The following NRXN2 variants were observed in gnomAD, a reference collection of about 807,000 sequenced individuals.
NRXN2 encodes neurexin 2.
NRXN2 carries 29 observed loss-of-function variants against 128.8 expected under a neutral mutation model. That is an observed-to-expected ratio of 0.23 (90% CI 0.17 to 0.31). The LOEUF is 0.31. Among genes scored for constraint, NRXN2 ranks in the 10% least tolerant of loss-of-function variants. NRXN2 has a pLI of 1.00. For synonymous variants in NRXN2, 1,098 were observed against 1,075.2 expected, an observed-to-expected ratio of 1.02 and a Z score of -0.41; for missense variants, 1,881 against 2,452.6, an observed-to-expected ratio of 0.77 and a Z score of 4.92.
rs144146456 is a variant in NRXN2 at position 64,660,090 on chromosome 11, C to G, written c.2389+242G>C. On this transcript the variant is annotated intron_variant, in intron 11 of 22. Coordinates refer to ENST00000265459, the MANE Select transcript of NRXN2 (RefSeq NM_015080.4). The surrounding 1 kb of genome is among the most constrained non-coding windows in gnomAD (Gnocchi z 5.2). ...TCACCAGGGAGGACAGTTAGCATAC[C>G]CCAGATACTCTGGGTCTTGCCCCTC... is the stretch of plus-strand genomic sequence containing the variant. Among the ~76,000 whole-genome samples the G allele has an allele frequency of 1.3e-5, 2 of 152,152 alleles. No homozygotes were observed. Among genetic ancestry groups the G allele is most frequent in the Admixed American group, 6.5e-5 (1 of 15,284 alleles).
chr11:64,702,970 C>CT (rs2055705047), intron 2 of NRXN2, among the ~76,000 whole-genome samples: 2 of 101,414 alleles, frequency 2.0e-5, no homozygotes, highest in Non-Finnish European at 1.9e-5. Context: ...GCCCAGGTCT[C>CT]TAAAAAAAAA....
intron 18 of NRXN2, among the ~76,000 whole-genome samples, chr11:64,633,437 TCAGA>T (rs2044228326): frequency 1.3e-5 from 2 of 152,134 alleles, no homozygotes; most frequent in Admixed American, 6.5e-5. Flanking sequence ...TAACTGAGGC[TCAGA>T]CAGCTGCGGT....
At chr11:64,711,618 C>A (rs147376050) in intron 2 of NRXN2, among the ~76,000 whole-genome samples, 3,962 of 152,226 alleles carry the variant, frequency 0.026, 81 homozygotes, top group Non-Finnish European at 0.039. Context: ...ACCCCTCCCT[C>A]CGGTGAGCCT....
intron 15 of NRXN2, 116 bp downstream of exon 15, chr11:64,650,332 G>T: frequency 2.0e-6 from 2 of 1,025,240 alleles, no homozygotes; most frequent in Non-Finnish European, 3.0e-6. Flanking sequence ...GGGAAAGAGA[G>T]GTGGAAACTG....
At chr11:64,674,356 A>G (rs946421674) in intron 7 of NRXN2, among the ~76,000 whole-genome samples, 1 of 151,780 alleles carries the variant, frequency 6.6e-6, no homozygotes, top group Admixed American at 6.6e-5. Flanking sequence ...ACACCCAGCT[A>G]TTTTTTTGTA....
At chr11:64,634,009 G>A (rs2135384507) in intron 18 of NRXN2, among the ~76,000 whole-genome samples, 1 of 152,260 alleles carries the variant, frequency 6.6e-6, no homozygotes, top group South Asian at 2.1e-4. Context: ...GGGGTGGGGT[G>A]CAGACCTGGG....
intron 1 of NRXN2, among the ~76,000 whole-genome samples, chr11:64,717,449 CAGAT>C (rs1419428324): frequency 6.6e-6 from 1 of 152,208 alleles, no homozygotes; most frequent in African/African-American, 2.4e-5. Flanking sequence ...CCCCTACCCA[CAGAT>C]AGACTCAGCA....
Position 64,690,389 on chromosome 11 carries a change from C to T in NRXN2, c.850+16G>A. ...GATGAGGGCTGGGCTCTCTGGGGAC[C>T]ATGGGGGTCACTGACCTTTTGTTGG... is the stretch of plus-strand genomic sequence containing the variant. On this transcript the variant is annotated intron_variant, in intron 5 of 22. Coordinates refer to ENST00000265459, the MANE Select transcript of NRXN2 (RefSeq NM_015080.4). 6.2e-7 allele frequency: 1 copy of T among 1,609,798 alleles called. No individual in the cohort carries two copies. Among genetic ancestry groups the T allele is most frequent in the Non-Finnish European group, 8.5e-7 (1 of 1,178,194 alleles).
chr11:64,640,220 C>A (rs1565258025), intron 17 of NRXN2, among the ~76,000 whole-genome samples: 2 of 152,206 alleles, frequency 1.3e-5, no homozygotes, highest in Non-Finnish European at 2.9e-5. Context: ...ATACCCTGTC[C>A]TCCATACTCT....
chr11:64,674,181 CTTTT>C (rs1263002503), intron 7 of NRXN2, among the ~76,000 whole-genome samples: 1 of 151,992 alleles, frequency 6.6e-6, no homozygotes, highest in South Asian at 2.1e-4. Flanking sequence ...TGGCTTCTTC[CTTTT>C]TTTGTTTGTT....
At chr11:64,702,066 GCCGCCC>G (rs2055518570) in intron 2 of NRXN2, among the ~76,000 whole-genome samples, 1 of 147,012 alleles carries the variant, frequency 6.8e-6, no homozygotes, top group African/African-American at 2.5e-5. Context: ...CCTCTGCCCT[GCCGCCC>G]CTACTGGGAA....
chr11:64,623,090 G>T lies in NRXN2; in HGVS notation c.3848-12C>A. 1 of 1,590,432 alleles carries T rather than the reference G, an allele frequency of 6.3e-7. No individual in the cohort carries two copies. The highest frequency in any genetic ancestry group is 2.3e-5 in the East Asian group (1 of 44,160). On this transcript the variant is annotated splice_polypyrimidine_tract_variant and intron_variant, in intron 20 of 22. Transcript: ENST00000265459. The surrounding 1 kb of genome is among the most constrained non-coding windows in gnomAD (Gnocchi z 4.9). ...GGTCAGCTGGCGGCCTTGCAGGAGT[G>T]GAAGGGGGTGACAGAGAAGGGGCAG...
In NRXN2 at chr11:64,635,379, G is replaced by A. The variant is rs996620506; in HGVS notation, c.3477C>T (p.Ser1159=). The change falls in exon 18 of 23, where the codon AGC becomes AGT. Residue 1159 remains serine, a synonymous_variant. Coordinates refer to ENST00000265459, the MANE Select transcript of NRXN2 (RefSeq NM_015080.4). The surrounding 1 kb of genome is among the most constrained non-coding windows in gnomAD (Gnocchi z 4.8). The part of the protein sequence containing the change: ...TYTWPPNDRP[S]TRMDRLAVGF... ...CCACGGCCAGGCGATCCATCCTCGT[G>A]CTGGGCCTGTCATTGGGGGGCCACG... 6.2e-7 allele frequency: 1 copy of A among 1,613,668 alleles called. No individual in the cohort carries two copies. The highest frequency in any genetic ancestry group is 8.5e-7 in the Non-Finnish European group (1 of 1,180,020).
intron 19 of NRXN2, among the ~76,000 whole-genome samples, chr11:64,629,420 C>T (rs1276573811): frequency 6.6e-6 from 1 of 152,204 alleles, no homozygotes; most frequent in Non-Finnish European, 1.5e-5. Context: ...GTCAGCATCT[C>T]CATCTACCTC....
At chr11:64,715,841 T>C (rs2057289281) in intron 1 of NRXN2, among the ~76,000 whole-genome samples, 1 of 152,124 alleles carries the variant, frequency 6.6e-6, no homozygotes, top group Admixed American at 6.5e-5. Context: ...CTCTCCTCAT[T>C]GGGTAATGGA....
intron 17 of NRXN2, among the ~76,000 whole-genome samples, chr11:64,639,179 G>C (rs1332249265): frequency 6.6e-6 from 1 of 152,160 alleles, no homozygotes; most frequent in Admixed American, 6.5e-5. Context: ...CATGGCCCTA[G>C]TGCTCGCAGC....
chr11:64,615,694 C>T, intron 22 of NRXN2, among the ~76,000 whole-genome samples: 1 of 152,176 alleles, frequency 6.6e-6, no homozygotes, highest in Non-Finnish European at 1.5e-5. Flanking sequence ...TACAGGCATG[C>T]CTTGTACTGT....
At chr11:64,654,792 C>G (rs2048013761) in intron 11 of NRXN2, among the ~76,000 whole-genome samples, 1 of 152,222 alleles carries the variant, frequency 6.6e-6, no homozygotes, top group Admixed American at 6.5e-5. Context: ...CTGGCTGGAG[C>G]TGCAGAAATC....
At chr11:64,652,196 C>T in intron 12 of NRXN2, 42 bp from the exon 13 acceptor site, 1 of 1,587,488 alleles carries the variant, frequency 6.3e-7, no homozygotes, top group Middle Eastern at 1.7e-4. Context: ...CCTATACATG[C>T]TCATAGGTGA....
Sources: gnomAD v4.1 joint callset for allele counts (sites outside exome capture counted in the v4.1 genomes callset) on GRCh38, gnomAD v4.1.1 for gene constraint, Gnocchi (gnomAD v3.1) non-coding constraint, MANE v1.5 for transcripts, NCBI Gene and HGNC (gene_info 2026-07-23, HGNC 2026-07-21) for gene names.